Variants in TMEM117 observed in about 807,000 individuals in gnomAD.
TMEM117 encodes the protein transmembrane protein 117.
A neutral mutation model predicts 52.4 loss-of-function variants in TMEM117; 27 were observed. That is an observed-to-expected ratio of 0.51 (90% CI 0.38 to 0.71). The LOEUF (loss-of-function observed/expected upper bound fraction) is 0.71, where lower values mean the gene tolerates loss of function less well. Among genes scored for constraint, TMEM117 ranks in the 30% least tolerant of loss-of-function variants. The pLI is 0.00. For missense variants in TMEM117, 556 were observed against 630.5 expected (o/e 0.88, Z 1.26); for synonymous variants, 215 against 206.3 (o/e 1.04, Z -0.36).
chr12:44,131,231 T>A lies in TMEM117; in HGVS notation c.411-12294T>A, dbSNP rs543591389. Reference sequence around the variant, plus strand: ...TGTTCAAAATATTTACTCTGCCTCATTGAGGTTTCTATTTTGACTCCTGTT... The same window carrying A: ...TGTTCAAAATATTTACTCTGCCTCAATGAGGTTTCTATTTTGACTCCTGTT... On this transcript the variant is annotated intron_variant, in intron 3 of 7. Coordinates refer to ENST00000266534, the MANE Select transcript of TMEM117 (RefSeq NM_032256.3). Among the ~76,000 whole-genome samples, 8 of 152,278 alleles carry A rather than the reference T, an allele frequency of 5.3e-5. No individual in the cohort carries two copies. The East Asian group carries it at 1.3e-3, about 26-fold the overall frequency.
chr12:43,860,546 TGAG>T (rs1221028130), intron 2 of TMEM117, among the ~76,000 whole-genome samples: 1 of 152,114 alleles, frequency 6.6e-6, no homozygotes, highest in Non-Finnish European at 1.5e-5. Flanking sequence ...TGAGATGATC[TGAG>T]GAAGATGAAG....
At chr12:43,882,177 G>C (rs1235137542) in intron 2 of TMEM117, among the ~76,000 whole-genome samples, 1 of 152,046 alleles carries the variant, frequency 6.6e-6, no homozygotes, top group African/African-American at 2.4e-5. Context: ...TATTCCTCTT[G>C]CACAGTACTT....
chr12:44,205,258 C>T (rs113019599), intron 4 of TMEM117, among the ~76,000 whole-genome samples: 23 of 152,258 alleles, frequency 1.5e-4, no homozygotes, highest in African/African-American at 5.5e-4. Flanking sequence ...GAATAAGACT[C>T]ACGAGACCTG....
chr12:43,886,485 G>A (rs140496261), intron 2 of TMEM117, among the ~76,000 whole-genome samples: 4 of 152,254 alleles, frequency 2.6e-5, no homozygotes, highest in Non-Finnish European at 5.9e-5. Context: ...AGTTGGTTCA[G>A]GAGTAAATAG....
At chr12:43,918,690 A>G (rs1944645129) in intron 2 of TMEM117, among the ~76,000 whole-genome samples, 1 of 152,166 alleles carries the variant, frequency 6.6e-6, no homozygotes, top group Non-Finnish European at 1.5e-5. Flanking sequence ...GTTAGCCCTT[A>G]GCTCTATGCC....
intron 3 of TMEM117, among the ~76,000 whole-genome samples, chr12:44,012,086 G>T (rs1423954886): frequency 6.6e-6 from 1 of 152,156 alleles, no homozygotes; most frequent in Non-Finnish European, 1.5e-5. Context: ...GCAAAACCAT[G>T]GATAAGGGGG....
intron 6 of TMEM117, among the ~76,000 whole-genome samples, chr12:44,372,690 G>T (rs970813215): frequency 6.6e-6 from 1 of 151,920 alleles, no homozygotes; most frequent in Admixed American, 6.6e-5. Context: ...TTCTCAATTA[G>T]AAAACATAGA....
At chr12:44,126,179 A>G (rs1317759273) in intron 3 of TMEM117, among the ~76,000 whole-genome samples, 2 of 152,082 alleles carry the variant, frequency 1.3e-5, no homozygotes, top group Non-Finnish European at 2.9e-5. Flanking sequence ...ATGGGCATTT[A>G]GGTTGATTTC....
chr12:43,851,771 T>G (rs1321736617), intron 2 of TMEM117, among the ~76,000 whole-genome samples: 1 of 152,228 alleles, frequency 6.6e-6, no homozygotes. Context: ...TCCTCAGAGC[T>G]GAGCACAAGG....
chr12:43,806,268 C>G, the TMEM117 span: 3 of 1,519,010 alleles, frequency 2.0e-6, no homozygotes, highest in Non-Finnish European at 2.6e-6. Flanking sequence ...TAGCTCCCGG[C>G]TCCGGCGCTG....
rs981378147 is a variant in TMEM117, at chr12:44,117,268, C to T, written c.411-26257C>T. On this transcript the variant is annotated intron_variant, in intron 3 of 7. Coordinates refer to ENST00000266534, the MANE Select transcript of TMEM117 (RefSeq NM_032256.3). ...AATGTTTCCACCTCTCTTTTCTTAGCTATACTGACTCATCTTTTAAATGTC... is the reference window on the plus strand; with the variant it reads ...AATGTTTCCACCTCTCTTTTCTTAGTTATACTGACTCATCTTTTAAATGTC... 1.4e-4 allele frequency among the ~76,000 whole-genome samples: 21 copies of T among 152,280 alleles called. No homozygotes were observed. The East Asian group carries it at 3.9e-3, about 28-fold the overall frequency.
chr12:44,197,106 A>G (rs1007028817), intron 4 of TMEM117, among the ~76,000 whole-genome samples: 1 of 152,282 alleles, frequency 6.6e-6, no homozygotes, highest in African/African-American at 2.4e-5. Context: ...TTTTGGCTCC[A>G]TCATTAGGGA....
intron 2 of TMEM117, among the ~76,000 whole-genome samples, chr12:43,890,399 T>C (rs1484845475): frequency 1.3e-5 from 2 of 152,208 alleles, no homozygotes; most frequent in Non-Finnish European, 2.9e-5. Context: ...CTCTCTTCAT[T>C]CAAATGAGAA....
intron 3 of TMEM117, among the ~76,000 whole-genome samples, chr12:44,098,302 C>T (rs534087256): frequency 3.1e-4 from 47 of 152,092 alleles, no homozygotes; most frequent in African/African-American, 8.9e-4. Context: ...GAGCATTGTC[C>T]GGGAGAGAGG....
chr12:44,215,858 G>C (rs1244020237), intron 5 of TMEM117, among the ~76,000 whole-genome samples: 2 of 152,070 alleles, frequency 1.3e-5, no homozygotes, highest in South Asian at 2.1e-4. Context: ...CACGTAAGAG[G>C]ATTTCACCTT....
chr12:43,979,213 A>G (rs576960760), intron 3 of TMEM117, among the ~76,000 whole-genome samples: 160 of 152,174 alleles, frequency 1.1e-3, no homozygotes, highest in Middle Eastern at 3.4e-3. Context: ...GGAAGTTAAT[A>G]TGTATCCAAG....
At chr12:43,832,030 G>T (rs1169409194), upstream of TMEM117, among the ~76,000 whole-genome samples, 1 of 152,192 alleles carries the variant, frequency 6.6e-6, no homozygotes, top group Non-Finnish European at 1.5e-5. Flanking sequence ...CTCTGAAACT[G>T]TGGCCAATTG....
chr12:43,824,272 C>T, the TMEM117 span, among the ~76,000 whole-genome samples: 4 of 152,206 alleles, frequency 2.6e-5, no homozygotes, highest in Admixed American at 6.5e-5. Flanking sequence ...AGTGATTTCA[C>T]TAAGGCTTGA....
intron 3 of TMEM117, among the ~76,000 whole-genome samples, chr12:43,954,719 A>G (rs1024261232): frequency 6.6e-6 from 1 of 152,240 alleles, no homozygotes; most frequent in Non-Finnish European, 1.5e-5. Context: ...AGGAGCTGGT[A>G]CCATTTCTTC....
Sources: gnomAD v4.1 joint callset for allele counts (sites outside exome capture counted in the v4.1 genomes callset) on GRCh38, gnomAD v4.1.1 for gene constraint, MANE v1.5 for transcripts, NCBI Gene and HGNC (gene_info 2026-07-23, HGNC 2026-07-21) for gene names.